The following CNTNAP4 variants were observed in gnomAD, a reference collection of about 807,000 sequenced individuals.
CNTNAP4 encodes contactin associated protein family member 4.
In CNTNAP4, 98 loss-of-function variants were observed where a neutral mutation model predicts 148.4. The observed-to-expected ratio is 0.66, with a 90% CI of 0.56 to 0.78. The LOEUF is 0.78. Among genes scored for constraint, CNTNAP4 ranks in the 30% least tolerant of loss-of-function variants. The pLI is 0.00. For synonymous variants in CNTNAP4, 730 were observed against 565.1 expected (o/e 1.29, Z -4.14); for missense variants, 1,935 against 1,565.6 (o/e 1.24, Z -3.98).
At chr16:76,372,121 GT>G (rs1166661723) in intron 3 of CNTNAP4, among the ~76,000 whole-genome samples, 1 of 149,774 alleles carries the variant, frequency 6.7e-6, no homozygotes, top group Non-Finnish European at 1.5e-5. Context: ...GCTGATAATG[GT>G]TGTGTTCCAG....
chr16:76,436,989 C>CTATCTATT (rs144797032), intron 4 of CNTNAP4, among the ~76,000 whole-genome samples: 4,777 of 151,388 alleles, frequency 0.032, 234 homozygotes, highest in African/African-American at 0.1. Flanking sequence ...ATCTATCTGT[C>CTATCTATT]TATCTAGGAG....
intron 3 of CNTNAP4, among the ~76,000 whole-genome samples, chr16:76,356,914 AG>A (rs1318093663): frequency 6.6e-6 from 1 of 152,176 alleles, no homozygotes; most frequent in African/African-American, 2.4e-5. Context: ...TTGAATTGAG[AG>A]AAGTAGCCCT....
chr16:76,541,453 T>C (rs1441789252), intron 21 of CNTNAP4, among the ~76,000 whole-genome samples: 3 of 152,248 alleles, frequency 2.0e-5, no homozygotes, highest in Non-Finnish European at 2.9e-5. Context: ...TAGATATTTA[T>C]TTTTTAGTTA....
chr16:76,457,998 C>G (rs935367724), intron 8 of CNTNAP4, among the ~76,000 whole-genome samples: 3 of 152,064 alleles, frequency 2.0e-5, no homozygotes, highest in South Asian at 4.1e-4. Flanking sequence ...ATCTGTATGA[C>G]CATGTGTACC....
At chr16:76,368,375 C>T (rs771303372) in intron 3 of CNTNAP4, among the ~76,000 whole-genome samples, 34 of 152,162 alleles carry the variant, frequency 2.2e-4, no homozygotes, top group Non-Finnish European at 3.4e-4. Flanking sequence ...TACATGCACA[C>T]GTATGTTTAT....
At chr16:76,290,563 C>T (rs79227246) in intron 1 of CNTNAP4, among the ~76,000 whole-genome samples, 13,100 of 152,156 alleles carry the variant, frequency 0.086, 778 homozygotes, top group Admixed American at 0.17. Flanking sequence ...GACCTATTCA[C>T]TTCCTCTAAA....
chr16:76,553,830 C>T lies in CNTNAP4; in HGVS notation c.3662-6C>T, dbSNP rs531341715. 2 of 1,602,696 alleles carry T rather than the reference C, an allele frequency of 1.2e-6. No individual in the cohort carries two copies. Among genetic ancestry groups the T allele is most frequent in the Non-Finnish European group, 1.7e-6 (2 of 1,170,528 alleles). On this transcript the variant is annotated splice_polypyrimidine_tract_variant and splice_region_variant and intron_variant, in intron 22 of 23. Transcript: ENST00000611870. ...ACCTTCCCCCTTTGTTGTGCTTTAACTGCAGATCATTCTGGAACAATAGAT... is the reference window on the plus strand; with the variant it reads ...ACCTTCCCCCTTTGTTGTGCTTTAATTGCAGATCATTCTGGAACAATAGAT...
chr16:76,538,372 T>A (rs1220293394), intron 19 of CNTNAP4, 32 bp downstream of exon 19: 1 of 1,469,236 alleles, frequency 6.8e-7, no homozygotes, highest in East Asian at 2.3e-5. Context: ...GAGAGAAAAT[T>A]AAATTAGAAC....
intron 12 of CNTNAP4, among the ~76,000 whole-genome samples, chr16:76,483,167 A>G (rs1406475236): frequency 6.6e-6 from 1 of 151,374 alleles, no homozygotes; most frequent in Non-Finnish European, 1.5e-5. Flanking sequence ...TGTTATAGGA[A>G]GTTTCATTCT....
At chr16:76,308,339 C>G (rs773454652) in intron 1 of CNTNAP4, among the ~76,000 whole-genome samples, 1 of 152,128 alleles carries the variant, frequency 6.6e-6, no homozygotes, top group Non-Finnish European at 1.5e-5. Context: ...GGATGAGAGA[C>G]GATGCCAGGA....
chr16:76,402,311 T>C (rs1233844116), intron 3 of CNTNAP4, among the ~76,000 whole-genome samples: 1 of 152,082 alleles, frequency 6.6e-6, no homozygotes, highest in Non-Finnish European at 1.5e-5. Flanking sequence ...TTTTCTAGTT[T>C]GCGTATGTAG....
chr16:76,501,795 G>T (rs568547804), intron 15 of CNTNAP4, among the ~76,000 whole-genome samples: 87 of 152,338 alleles, frequency 5.7e-4, no homozygotes, highest in East Asian at 4.1e-3. Context: ...TTACGGCCGG[G>T]CGCGGTGGCT....
chr16:76,281,136 G>T (rs72794941), intron 1 of CNTNAP4, among the ~76,000 whole-genome samples: 59 of 152,202 alleles, frequency 3.9e-4, no homozygotes, highest in Non-Finnish European at 7.1e-4. Context: ...CTAAGTAGAT[G>T]ATCACTCTTG....
intron 8 of CNTNAP4, among the ~76,000 whole-genome samples, chr16:76,453,284 G>T (rs933329164): frequency 3.3e-5 from 5 of 152,188 alleles, no homozygotes; most frequent in African/African-American, 9.6e-5. Flanking sequence ...CATTTTGAGG[G>T]GATGCAAAGA....
chr16:76,368,407 A>G (rs888377195), intron 3 of CNTNAP4, among the ~76,000 whole-genome samples: 4 of 152,214 alleles, frequency 2.6e-5, no homozygotes, highest in Non-Finnish European at 5.9e-5. Context: ...TCACAATAGC[A>G]AAGACTTGGA....
intron 23 of CNTNAP4, 81 bp downstream of exon 23, chr16:76,553,988 G>T: frequency 2.2e-6 from 2 of 907,738 alleles, no homozygotes; most frequent in Admixed American, 2.1e-5. Context: ...TAGAAACTGT[G>T]AAGAATCTGC....
At chr16:76,414,374 G>A (rs924846494) in intron 3 of CNTNAP4, among the ~76,000 whole-genome samples, 4 of 151,294 alleles carry the variant, frequency 2.6e-5, no homozygotes, top group East Asian at 1.9e-4. Context: ...GAATTAACTC[G>A]ATTGAGATAT....
intron 1 of CNTNAP4, among the ~76,000 whole-genome samples, chr16:76,291,444 T>C (rs1048150191): frequency 1.3e-5 from 2 of 152,178 alleles, no homozygotes; most frequent in African/African-American, 4.8e-5. Flanking sequence ...TAGGTGCCTC[T>C]AGTACCCAAG....
intron 3 of CNTNAP4, among the ~76,000 whole-genome samples, chr16:76,357,748 C>G (rs1018824729): frequency 3.3e-5 from 5 of 152,204 alleles, no homozygotes; most frequent in Non-Finnish European, 7.3e-5. Flanking sequence ...AAAAGTGACT[C>G]TCTCTTGCCT....
Sources: allele counts gnomAD v4.1 joint callset (sites outside exome capture counted in the v4.1 genomes callset), GRCh38; gene constraint gnomAD v4.1.1; transcripts MANE v1.5; gene names NCBI Gene and HGNC (gene_info 2026-07-23, HGNC 2026-07-21).